VPS13A: variants seen among roughly 807,000 people sequenced by gnomAD.
The protein encoded by VPS13A is intermembrane lipid transfer protein VPS13A.
VPS13A carries 264 observed loss-of-function variants against 390.9 expected under a neutral mutation model. That is an observed-to-expected ratio of 0.68 (90% CI 0.61 to 0.75). The LOEUF is 0.75. Among genes scored for constraint, VPS13A ranks in the 30% least tolerant of loss-of-function variants. The pLI is 0.00. For missense variants in VPS13A, 3,409 were observed against 3,733.9 expected (o/e 0.91, Z 2.27); for synonymous variants, 1,231 against 1,227.1 (o/e 1.00, Z -0.07).
At chr9:77,412,417 C>G (rs904408391) in intron 71 of VPS13A, among the ~76,000 whole-genome samples, 3 of 152,178 alleles carry the variant, frequency 2.0e-5, no homozygotes, top group African/African-American at 7.2e-5. Flanking sequence ...GGCTTCATCC[C>G]TGGGATGCAA....
chr9:77,316,069 C>G (rs1829362996), intron 38 of VPS13A, 105 bp from the exon 39 acceptor site: 1 of 602,536 alleles, frequency 1.7e-6, no homozygotes, highest in Non-Finnish European at 2.3e-6. Flanking sequence ...ATCTAAGATT[C>G]TTTTGTTTTA....
rs368194182 is a variant in VPS13A at position 77,339,577 on chromosome 9, A to C, written c.6440A>C (p.Gln2147Pro). ...CATTCAGCCCAGATTTGTACTGCAC[A>C]GTTGGGTAAAGCCAGGCTACATTTA... ...EGHSAQICTA[Q>P]LGKARLHLKL... The change falls in exon 48 of 72, where the codon CAG becomes CCG. Residue 2147 changes from glutamine (Q) to proline (P), a missense_variant. Physicochemically the swap from Gln to Pro is moderately conservative, Grantham distance 76. Around this residue, in one of 5 missense-constraint regions of VPS13A, gnomAD observed 2,717 missense variants for 2,917.4 expected, o/e 0.93. Transcript: ENST00000360280. 1 of 1,597,640 alleles carries C rather than the reference A, an allele frequency of 6.3e-7. No homozygotes were observed. The highest frequency in any genetic ancestry group is 1.7e-5 in the Admixed American group (1 of 57,648).
chr9:77,364,186 G>T (rs1324693972), intron 59 of VPS13A, among the ~76,000 whole-genome samples: 1 of 152,124 alleles, frequency 6.6e-6, no homozygotes, highest in African/African-American at 2.4e-5. Context: ...AGCACTTTGG[G>T]AGGCCAAGGT....
chr9:77,179,231 TTAAAATTTACATGCAG>T (rs1274180402), intron 1 of VPS13A, among the ~76,000 whole-genome samples: 1 of 152,224 alleles, frequency 6.6e-6, no homozygotes, highest in Admixed American at 6.5e-5. Context: ...ATTTATTTGT[TTAAAATTTACATGCAG>T]TAAAATTCAC....
intron 23 of VPS13A, among the ~76,000 whole-genome samples, chr9:77,267,998 G>C (rs1221794647): frequency 6.6e-6 from 1 of 152,218 alleles, no homozygotes; most frequent in Non-Finnish European, 1.5e-5. Context: ...AGCCTCAGCA[G>C]TGGTGATTCC....
chr9:77,357,952 CTTTTTTTTT>C (rs5898534), intron 56 of VPS13A, 114 bp downstream of exon 56: 1 of 345,858 alleles, frequency 2.9e-6, no homozygotes, highest in African/African-American at 3.7e-5. Context: ...TTGTGCTAGC[CTTTTTTTTT>C]TTTTTTTTTT....
chr9:77,418,899 A>G lies in VPS13A; in HGVS notation c.*2893A>G, dbSNP rs902852431. On this transcript the variant is annotated 3_prime_UTR_variant, in exon 72 of 72. Transcript: ENST00000360280. ...CTCTGGTAAAAAGAAAGATTAAATT[A>G]AAAGGACTCTACACAGTGCTGAATT... 2 of 152,218 alleles carry G rather than the reference A, an allele frequency of 1.3e-5. No individual in the cohort carries two copies. The highest frequency in any genetic ancestry group is 4.8e-5 in the African/African-American group (2 of 41,450). The allele number at this position is 152,218 out of a possible 1,614,324, so 9.4% of individuals were successfully genotyped here.
intron 23 of VPS13A, among the ~76,000 whole-genome samples, chr9:77,268,079 G>T (rs1826136965): frequency 6.6e-6 from 1 of 152,226 alleles, no homozygotes; most frequent in African/African-American, 2.4e-5. Context: ...CAAGCCAGTG[G>T]ATCTTAGCTT....
At chr9:77,256,120 A>G (rs1722917490) in intron 22 of VPS13A, among the ~76,000 whole-genome samples, 1 of 151,978 alleles carries the variant, frequency 6.6e-6, no homozygotes, top group Admixed American at 6.6e-5. Flanking sequence ...TTATTAATGT[A>G]GGTGTTTACA....
intron 67 of VPS13A, among the ~76,000 whole-genome samples, chr9:77,379,740 A>C (rs62571463): frequency 0.43 from 66,038 of 152,094 alleles, 14,533 homozygotes; most frequent in East Asian, 0.55. Flanking sequence ...CAGTAATTTT[A>C]TATTATTGAG....
chr9:77,219,520 G>A (rs981699241), intron 10 of VPS13A, among the ~76,000 whole-genome samples: 1 of 152,102 alleles, frequency 6.6e-6, no homozygotes, highest in African/African-American at 2.4e-5. Flanking sequence ...CAATTAAAAG[G>A]AAGAACACAG....
intron 3 of VPS13A, among the ~76,000 whole-genome samples, chr9:77,202,153 A>T (rs551731897): frequency 1.3e-5 from 2 of 152,226 alleles, no homozygotes; most frequent in South Asian, 2.1e-4. Context: ...AGATTACATG[A>T]TAAAGGTCTT....
At chr9:77,234,087 T>A (rs927814510) in intron 17 of VPS13A, among the ~76,000 whole-genome samples, 1 of 152,240 alleles carries the variant, frequency 6.6e-6, no homozygotes, top group East Asian at 1.9e-4. Context: ...TTATAATTGT[T>A]GTATCTTTGA....
In VPS13A at chr9:77,213,267, A is replaced by G. The variant is rs1826073644; in HGVS notation, c.649A>G (p.Asn217Asp). The stretch of plus-strand genomic sequence containing the variant: ...ATTGGATAACCTGTTTGCCTATTGG[A>G]ATGTGAAGTCTCAGATGTTTTATCT... ...IRLDNLFAYWNVKSQMFYLSD... is the reference protein window; with the variant it reads ...IRLDNLFAYWDVKSQMFYLSD... The change falls in exon 9 of 72, where the codon AAT becomes GAT. Residue 217 changes from asparagine to aspartate, a missense_variant. Physicochemically the swap from Asn to Asp is conservative, Grantham distance 23. This residue lies in a region of VPS13A where 2,717 missense variants were observed against 2,917.4 expected (regional missense o/e 0.93). Transcript: ENST00000360280. 1 of 1,613,752 alleles carries G rather than the reference A, an allele frequency of 6.2e-7. No individual in the cohort carries two copies. The highest frequency in any genetic ancestry group is 2.2e-5 in the East Asian group (1 of 44,792).
intron 68 of VPS13A, among the ~76,000 whole-genome samples, chr9:77,399,352 G>C (rs758983699): frequency 6.6e-6 from 1 of 152,078 alleles, no homozygotes; most frequent in Admixed American, 6.5e-5. Flanking sequence ...ACTTATACCA[G>C]ATGCTGTTGT....
chr9:77,251,343 T>C (rs2131269988), intron 21 of VPS13A, among the ~76,000 whole-genome samples: 1 of 152,338 alleles, frequency 6.6e-6, no homozygotes, highest in East Asian at 1.9e-4. Flanking sequence ...ATTATATGAC[T>C]GAGATCCCAT....
At chr9:77,191,522 C>T (rs974864838) in intron 1 of VPS13A, among the ~76,000 whole-genome samples, 8 of 152,036 alleles carry the variant, frequency 5.3e-5, no homozygotes, top group Middle Eastern at 3.2e-3. Flanking sequence ...TGGTCTTGAA[C>T]TCCTGGGCTC....
At chr9:77,366,671 T>C in intron 60 of VPS13A, 56 bp from the exon 61 acceptor site, 4 of 1,479,546 alleles carry the variant, frequency 2.7e-6, no homozygotes, top group Admixed American at 3.7e-5. Flanking sequence ...TTTTAAGAGT[T>C]AAAATTGTCA....
At chr9:77,351,809 C>A (rs1831486236) in intron 53 of VPS13A, among the ~76,000 whole-genome samples, 2 of 152,004 alleles carry the variant, frequency 1.3e-5, no homozygotes, top group Non-Finnish European at 2.9e-5. Flanking sequence ...GCAGCGATTG[C>A]AGTGAGCCAA....
Sources: gnomAD v4.1 joint callset for allele counts (sites outside exome capture counted in the v4.1 genomes callset) on GRCh38, gnomAD v4.1.1 for gene constraint, gnomAD v4.1.1 regional missense constraint, MANE v1.5 for transcripts, NCBI Gene and HGNC (gene_info 2026-07-23, HGNC 2026-07-21) for gene names.